UGT1A9: variants seen among roughly 807,000 people sequenced by gnomAD.
UGT1A9 encodes UDP-glucuronosyltransferase 1A9.
Under a neutral mutation model 45.0 loss-of-function variants are expected in UGT1A9, and 35 were observed. The observed-to-expected ratio is 0.78, with a 90% CI of 0.59 to 1.03. The LOEUF is 1.03. UGT1A9 is among the 50% of genes least tolerant of loss of function. UGT1A9 has a pLI of 0.00. For missense variants in UGT1A9, 687 were observed against 666.6 expected, an observed-to-expected ratio of 1.03 and a Z score of -0.34; for synonymous variants, 278 against 250.6, an observed-to-expected ratio of 1.11 and a Z score of -1.03.
intron 1 of UGT1A9, chr2:233,718,132 G>GTGGTCGCCGT: frequency 4.2e-6 from 1 of 238,638 alleles, no homozygotes; most frequent in Non-Finnish European, 8.7e-6. Flanking sequence ...GGTGTAGATG[G>GTGGTCGCCGT]AGAATCCTCA....
At chr2:233,733,656 C>T (rs1449340604) in intron 1 of UGT1A9, among the ~76,000 whole-genome samples, 11 of 152,054 alleles carry the variant, frequency 7.2e-5, no homozygotes, top group African/African-American at 1.7e-4. Context: ...AGGATGAAGC[C>T]GACTTGATCG....
rs113010112 is a variant in UGT1A9, at chr2:233,729,455, T to A, written c.856-37579T>A. ...GAAACAGAACATTTTCTGAAGAAAT[T>A]TTTCAGAAGTATGGCAATGTTGAAC... On this transcript the variant is annotated intron_variant, in intron 1 of 4. Coordinates refer to ENST00000354728, the MANE Select transcript of UGT1A9 (RefSeq NM_021027.3). The A allele has an allele frequency of 2.5e-6, 4 of 1,614,068 alleles. No individual in the cohort carries two copies. In the African/African-American group the frequency reaches 5.3e-5, roughly 22 times the overall value.
Position 233,743,587 on chromosome 2 carries a change from G to A in UGT1A9, c.856-23447G>A, listed in dbSNP as rs375891802. On this transcript the variant is annotated intron_variant, in intron 1 of 4. Transcript: ENST00000354728. ...GCGGGTTTCCCAAGAGGTCAAAGGA[G>A]AATGGGTCCTGGCCGCCGAAGAACT... The A allele has an allele frequency of 8.8e-6, 12 of 1,367,220 alleles. No individual in the cohort carries two copies. In the East Asian group the frequency reaches 1.4e-4, roughly 16 times the overall value. 84.7% of individuals were successfully genotyped at this position (1,367,220 alleles called of 1,614,324 possible).
At chr2:233,676,023 A>G (rs1241148183) in intron 1 of UGT1A9, among the ~76,000 whole-genome samples, 1 of 152,210 alleles carries the variant, frequency 6.6e-6, no homozygotes, top group Non-Finnish European at 1.5e-5. Flanking sequence ...AAATAAACCC[A>G]TACATATACA....
intron 1 of UGT1A9, among the ~76,000 whole-genome samples, chr2:233,689,138 C>T (rs2074928590): frequency 6.6e-6 from 1 of 152,202 alleles, no homozygotes; most frequent in South Asian, 2.1e-4. Flanking sequence ...TTACAAGCCC[C>T]TGAAGGAAGT....
intron 1 of UGT1A9, among the ~76,000 whole-genome samples, chr2:233,710,371 A>G (rs1323187790): frequency 6.6e-6 from 1 of 152,256 alleles, no homozygotes; most frequent in Non-Finnish European, 1.5e-5. Context: ...ACAATTTTAC[A>G]TTCCTAACAG....
In UGT1A9 at chr2:233,731,080, T is replaced by C. The variant is rs548797519; in HGVS notation, c.856-35954T>C. Among the ~76,000 whole-genome samples, 7 of 152,364 alleles carry C rather than the reference T, an allele frequency of 4.6e-5. No individual in the cohort carries two copies. In the South Asian group the frequency reaches 1.2e-3, roughly 27 times the overall value. ...AACTTCCATGATTTAGATCCTTTTG[T>C]ATTCTTATTTCTGTGCCTTTTTTAT... On this transcript the variant is annotated intron_variant, in intron 1 of 4. Coordinates refer to ENST00000354728, the MANE Select transcript of UGT1A9 (RefSeq NM_021027.3).
Position 233,672,507 on chromosome 2 carries a change from C to G in UGT1A9, c.573C>G (p.Pro191=). The G allele has an allele frequency of 6.2e-7, 1 of 1,613,930 alleles. No homozygotes were observed. The highest frequency in any genetic ancestry group is 8.5e-7 in the Non-Finnish European group (1 of 1,179,846). Residue 191 remains proline, a synonymous_variant, in exon 1 of 5, where the codon CCC becomes CCG. Transcript: ENST00000354728. ...GCCCTGCTCCTCTTTCCTATGTCCC[C>G]AGAATTCTCTTAGGGTTCTCAGATG... ...AQCPAPLSYV[P]RILLGFSDAM...
chr2:233,747,597 G>A (rs1160963474), intron 1 of UGT1A9: 51 of 1,576,164 alleles, frequency 3.2e-5, no homozygotes, highest in Non-Finnish European at 4.2e-5. Context: ...TAGGTCTTGT[G>A]TGGAGCTACT....
At chr2:233,745,380 C>A (rs531226985) in intron 1 of UGT1A9, among the ~76,000 whole-genome samples, 1 of 151,924 alleles carries the variant, frequency 6.6e-6, no homozygotes, top group East Asian at 1.9e-4. Flanking sequence ...GTTCTCTTCA[C>A]CTCCTTATTC....
At chr2:233,755,155 T>A (rs921927491) in intron 1 of UGT1A9, 1 of 1,293,270 alleles carries the variant, frequency 7.7e-7, no homozygotes, top group Non-Finnish European at 1.0e-6. Flanking sequence ...GCTTCCTCCC[T>A]GTCCTCGGGG....
intron 1 of UGT1A9, among the ~76,000 whole-genome samples, chr2:233,756,923 C>T (rs1696357970): frequency 1.3e-5 from 2 of 151,968 alleles, no homozygotes; most frequent in South Asian, 4.2e-4. Context: ...GTTTATATAA[C>T]CTCTAGTTAC....
intron 1 of UGT1A9, among the ~76,000 whole-genome samples, chr2:233,688,625 C>T (rs1295939940): frequency 2.6e-5 from 4 of 152,032 alleles, no homozygotes; most frequent in Non-Finnish European, 5.9e-5. Flanking sequence ...AACATGAGTT[C>T]GTCTTGTTTT....
In UGT1A9 at chr2:233,672,091, C is replaced by T. The variant is rs1477600862; in HGVS notation, c.157C>T (p.His53Tyr). 1.2e-6 allele frequency: 2 copies of T among 1,614,116 alleles called. No individual in the cohort carries two copies. Among genetic ancestry groups the T allele is most frequent in the Admixed American group, 3.3e-5 (2 of 60,012 alleles). Residue 53 changes from histidine to tyrosine, a missense_variant, in exon 1 of 5, where the codon CAT (histidine) becomes TAT (tyrosine). Coordinates refer to ENST00000354728, the MANE Select transcript of UGT1A9 (RefSeq NM_021027.3). ...GGTGGAGAAACTCATTCTCAGGGGGCATGAGGTGGTTGTAGTCATGCCAGA... is the reference window on the plus strand; with the variant it reads ...GGTGGAGAAACTCATTCTCAGGGGGTATGAGGTGGTTGTAGTCATGCCAGA... ...SVVEKLILRG[H>Y]EVVVVMPEVS...
intron 1 of UGT1A9, among the ~76,000 whole-genome samples, chr2:233,733,511 G>A (rs181008705): frequency 9.2e-5 from 14 of 152,226 alleles, no homozygotes; most frequent in Admixed American, 6.5e-4. Context: ...CCAGTTTTAG[G>A]CATGAAGGGA....
chr2:233,720,041 A>T (rs2076825366), intron 1 of UGT1A9, among the ~76,000 whole-genome samples: 1 of 152,182 alleles, frequency 6.6e-6, no homozygotes, highest in Non-Finnish European at 1.5e-5. Flanking sequence ...CCTGATTTTC[A>T]GCTGAACGGT....
intron 1 of UGT1A9, chr2:233,682,443 C>T (rs1480330917): frequency 6.2e-7 from 1 of 1,613,772 alleles, no homozygotes; most frequent in African/African-American, 1.3e-5. Flanking sequence ...GTGGTCTTCG[C>T]CAGGGGAATA....
intron 1 of UGT1A9, chr2:233,760,456 A>T (rs1341101614): frequency 6.2e-7 from 1 of 1,614,230 alleles, no homozygotes; most frequent in Non-Finnish European, 8.5e-7. Flanking sequence ...GGGACATGAA[A>T]TAGTTGTCCT....
At chr2:233,728,661 G>A (rs577951721) in intron 1 of UGT1A9, among the ~76,000 whole-genome samples, 3 of 152,294 alleles carry the variant, frequency 2.0e-5, no homozygotes, top group South Asian at 2.1e-4. Flanking sequence ...GATGCGCTGC[G>A]TTACTCATAC....
Sources: allele counts gnomAD v4.1 joint callset (sites outside exome capture counted in the v4.1 genomes callset), GRCh38; gene constraint gnomAD v4.1.1; transcripts MANE v1.5; gene names NCBI Gene and HGNC (gene_info 2026-07-23, HGNC 2026-07-21).